ZBBX: variants seen among roughly 807,000 people sequenced by gnomAD.
The protein encoded by ZBBX is zinc finger B-box domain-containing protein 1.
A neutral mutation model predicts 108.5 loss-of-function variants in ZBBX; 101 were observed. The ratio of observed to expected loss-of-function variants is 0.93; its 90% CI spans 0.79 to 1.10. The LOEUF is 1.10. Among genes scored for constraint, ZBBX ranks in the 50% least tolerant of loss-of-function variants. The pLI, the probability that ZBBX is intolerant of heterozygous loss-of-function variation, is 0.00. For missense variants in ZBBX, 1,009 were observed against 941.4 expected, an observed-to-expected ratio of 1.07 and a Z score of -0.94; for synonymous variants, 356 against 323.4, an observed-to-expected ratio of 1.10 and a Z score of -1.08.
intron 20 of ZBBX, among the ~76,000 whole-genome samples, chr3:167,260,136 G>A (rs1396789541): frequency 2.0e-5 from 3 of 152,114 alleles, no homozygotes; most frequent in Non-Finnish European, 4.4e-5. Flanking sequence ...TAATTGTTTT[G>A]TTTGAGAAGG....
chr3:167,351,667 A>C (rs1327627006), intron 8 of ZBBX, among the ~76,000 whole-genome samples: 1 of 152,166 alleles, frequency 6.6e-6, no homozygotes, highest in African/African-American at 2.4e-5. Flanking sequence ...GCTAGAATTC[A>C]TGTGAAGTCC....
chr3:167,367,216 T>G (rs1745453062), intron 5 of ZBBX, among the ~76,000 whole-genome samples: 1 of 151,844 alleles, frequency 6.6e-6, no homozygotes. Context: ...TAGGAAAAGA[T>G]TATGAACTTT....
At position 167,332,290 on chromosome 3, in the gene ZBBX, A is replaced by AACAC. The variant is rs58297167; in HGVS notation, c.687+1533_687+1536dup. 5.7e-4 allele frequency among the ~76,000 whole-genome samples: 85 copies of AACAC among 148,858 alleles called. No individual in the cohort carries two copies. In the East Asian group the frequency reaches 6.5e-3, roughly 11 times the overall value. ...AGTTAAACACACACACACACACACA[A>AACAC]ACACACACACACACACGTCTGAACC... On this transcript the variant is annotated intron_variant, in intron 10 of 21. Transcript: ENST00000675490.
chr3:167,231,884 A>C, the ZBBX span, among the ~76,000 whole-genome samples: 2 of 151,846 alleles, frequency 1.3e-5, no homozygotes, highest in Non-Finnish European at 1.5e-5. Flanking sequence ...CATTCTTCTA[A>C]GGTAGCATTT....
intron 9 of ZBBX, among the ~76,000 whole-genome samples, chr3:167,348,837 A>C (rs923447518): frequency 6.6e-6 from 1 of 152,120 alleles, no homozygotes; most frequent in Non-Finnish European, 1.5e-5. Context: ...ACCTACAATG[A>C]TCACTTTCTT....
intron 20 of ZBBX, among the ~76,000 whole-genome samples, chr3:167,256,019 T>A (rs576761564): frequency 1.5e-4 from 23 of 152,254 alleles, no homozygotes; most frequent in African/African-American, 5.5e-4. Flanking sequence ...TTTAATTGTT[T>A]TGATGTTTAG....
At chr3:167,212,251 T>G in the ZBBX span, among the ~76,000 whole-genome samples, 30 of 152,084 alleles carry the variant, frequency 2.0e-4, no homozygotes, top group African/African-American at 6.8e-4. Context: ...TACAGAAAAG[T>G]TGCCAGACTG....
chr3:167,257,238 C>T (rs1037456600), intron 20 of ZBBX, among the ~76,000 whole-genome samples: 23 of 152,018 alleles, frequency 1.5e-4, no homozygotes, highest in African/African-American at 5.6e-4. Flanking sequence ...TATAGTAATG[C>T]TAGTGATTTT....
chr3:167,354,903 T>C (rs1212592813), intron 8 of ZBBX, among the ~76,000 whole-genome samples: 2 of 151,990 alleles, frequency 1.3e-5, no homozygotes, highest in East Asian at 1.9e-4. Context: ...AGTAAGCTTA[T>C]ATATTTTGTT....
At chr3:167,206,197 C>G in the ZBBX span, among the ~76,000 whole-genome samples, 1 of 151,966 alleles carries the variant, frequency 6.6e-6, no homozygotes, top group African/African-American at 2.4e-5. Flanking sequence ...ATGTATTTGA[C>G]TTTTTTAGAT....
At chr3:167,366,878 C>T (rs1171597362) in intron 5 of ZBBX, 1 of 455,828 alleles carries the variant, frequency 2.2e-6, no homozygotes, top group African/African-American at 2.0e-5. Flanking sequence ...AAAGAATTGG[C>T]CACTGGGTCA....
chr3:167,348,932 T>C (rs773106058), intron 9 of ZBBX, among the ~76,000 whole-genome samples: 1 of 152,056 alleles, frequency 6.6e-6, no homozygotes, highest in Non-Finnish European at 1.5e-5. Flanking sequence ...CTGTATGCCA[T>C]GTTGCTTTCA....
chr3:167,213,466 C>T, the ZBBX span, among the ~76,000 whole-genome samples: 1 of 151,916 alleles, frequency 6.6e-6, no homozygotes, highest in Non-Finnish European at 1.5e-5. Flanking sequence ...GACTGGTTCT[C>T]TGAAATAAGA....
chr3:167,185,625 T>A, the ZBBX span, among the ~76,000 whole-genome samples: 2 of 152,268 alleles, frequency 1.3e-5, no homozygotes, highest in East Asian at 3.9e-4. Context: ...TTCAGCTTTT[T>A]GATAGCACAT....
chr3:167,354,835 T>A (rs758987466), intron 8 of ZBBX, among the ~76,000 whole-genome samples: 3 of 151,956 alleles, frequency 2.0e-5, no homozygotes, highest in Non-Finnish European at 4.4e-5. Context: ...CAACATACTT[T>A]TAGTAAAAGT....
chr3:167,295,501 G>T (rs946199211), intron 18 of ZBBX, among the ~76,000 whole-genome samples: 15 of 151,228 alleles, frequency 9.9e-5, no homozygotes, highest in African/African-American at 3.6e-4. Context: ...GAGAACACAT[G>T]GACACATCAA....
chr3:167,340,595 C>T (rs1443247728), intron 9 of ZBBX, among the ~76,000 whole-genome samples: 1 of 151,718 alleles, frequency 6.6e-6, no homozygotes, highest in East Asian at 1.9e-4. Flanking sequence ...AATTTATTCC[C>T]TGAAAATAGG....
the ZBBX span, among the ~76,000 whole-genome samples, chr3:167,203,452 T>A: frequency 3.3e-5 from 5 of 152,108 alleles, no homozygotes; most frequent in Non-Finnish European, 5.9e-5. Flanking sequence ...ACCAATTATA[T>A]GCAGAAAAAA....
intron 9 of ZBBX, 117 bp from the exon 10 acceptor site, chr3:167,334,102 A>G (rs1739137452): frequency 5.5e-6 from 4 of 732,796 alleles, no homozygotes; most frequent in Admixed American, 7.0e-5. Context: ...AATTCAATTT[A>G]ATATTTAAAA....
Sources: allele counts gnomAD v4.1 joint callset (sites outside exome capture counted in the v4.1 genomes callset), GRCh38; gene constraint gnomAD v4.1.1; transcripts MANE v1.5; gene names NCBI Gene and HGNC (gene_info 2026-07-23, HGNC 2026-07-21).